Variants in SMIM14 observed in about 807,000 individuals in gnomAD.
SMIM14 encodes chromosome 4 open reading frame 34.
Under a neutral mutation model 12.6 loss-of-function variants are expected in SMIM14, and 5 were observed. That is an observed-to-expected ratio of 0.40 (90% confidence interval 0.21 to 0.83). SMIM14 has a LOEUF of 0.83. Among genes scored for constraint, SMIM14 ranks in the 40% least tolerant of loss-of-function variants. SMIM14 has a pLI of 0.37. For synonymous variants in SMIM14, 30 were observed against 40.1 expected (o/e 0.75, Z 0.95); for missense variants, 86 against 119.1 (o/e 0.72, Z 1.29).
intron 1 of SMIM14, among the ~76,000 whole-genome samples, chr4:39,607,246 A>T (rs543338610): frequency 6.6e-6 from 1 of 152,366 alleles, no homozygotes; most frequent in South Asian, 2.1e-4. Flanking sequence ...ATCAAATTGT[A>T]TATTTAAATG....
At chr4:39,575,239 TATC>T (rs1713111078) in intron 2 of SMIM14, among the ~76,000 whole-genome samples, 1 of 152,016 alleles carries the variant, frequency 6.6e-6, no homozygotes, top group Non-Finnish European at 1.5e-5. Context: ...GATGGGATTT[TATC>T]ATATTGCCTA....
chr4:39,624,715 T>A (rs1715623060), intron 1 of SMIM14, among the ~76,000 whole-genome samples: 1 of 149,806 alleles, frequency 6.7e-6, no homozygotes, highest in Non-Finnish European at 1.5e-5. Flanking sequence ...TCCCAGCTAC[T>A]TGGGAGGCTG....
chr4:39,611,401 G>A (rs553417105), intron 1 of SMIM14, among the ~76,000 whole-genome samples: 2 of 152,184 alleles, frequency 1.3e-5, no homozygotes, highest in East Asian at 3.9e-4. Flanking sequence ...AGCTACTCAG[G>A]AGGCTGAGGC....
At chr4:39,563,803 T>C (rs1029424842) in intron 3 of SMIM14, among the ~76,000 whole-genome samples, 3 of 152,222 alleles carry the variant, frequency 2.0e-5, no homozygotes, top group African/African-American at 7.2e-5. Flanking sequence ...GACCATCTCA[T>C]AGCTGTTTGA....
intron 1 of SMIM14, among the ~76,000 whole-genome samples, chr4:39,625,535 G>A (rs568436883): frequency 6.6e-5 from 10 of 151,966 alleles, no homozygotes; most frequent in Admixed American, 5.2e-4. Context: ...TCCACCTCCC[G>A]GGTTCCAGTG....
intron 3 of SMIM14, among the ~76,000 whole-genome samples, chr4:39,568,644 A>T (rs28562656): frequency 0.015 from 2,361 of 152,324 alleles, 46 homozygotes; most frequent in African/African-American, 0.054. Context: ...ATTTAATTTT[A>T]AAAAATAACT....
At position 39,588,614 on chromosome 4, in the gene SMIM14, T is replaced by A. The variant is rs140153078; in HGVS notation, c.76-16151A>T. Among the ~76,000 whole-genome samples the A allele has an allele frequency of 3.1e-3, 469 of 152,132 alleles. 3 individuals carry two copies. The highest frequency in any genetic ancestry group is 0.011 in the African/African-American group (442 of 41,548). ...GATTAAAAAAGCTTTCATAGCAACATGAAAAATGCAAAATATTATTAAATT... is the reference window on the plus strand; with the variant it reads ...GATTAAAAAAGCTTTCATAGCAACAAGAAAAATGCAAAATATTATTAAATT... On this transcript the variant is annotated intron_variant, in intron 2 of 4. Transcript: ENST00000295958.
chr4:39,617,147 A>G (rs1445199988), intron 1 of SMIM14, among the ~76,000 whole-genome samples: 1 of 152,188 alleles, frequency 6.6e-6, no homozygotes, highest in Non-Finnish European at 1.5e-5. Context: ...ATACATGTGT[A>G]AACAACAGAT....
At chr4:39,609,050 C>T (rs1399269426) in intron 1 of SMIM14, among the ~76,000 whole-genome samples, 23 of 152,156 alleles carry the variant, frequency 1.5e-4, no homozygotes, top group Admixed American at 1.5e-3. Flanking sequence ...GATCTCGGCT[C>T]ACTGAAACCT....
At chr4:39,595,896 TGAGCCA>T (rs1197362610) in intron 2 of SMIM14, among the ~76,000 whole-genome samples, 1 of 151,962 alleles carries the variant, frequency 6.6e-6, no homozygotes, top group African/African-American at 2.4e-5. Context: ...TTTACAGGGG[TGAGCCA>T]CCATGCCAGG....
At chr4:39,580,406 C>T (rs964511899) in intron 2 of SMIM14, among the ~76,000 whole-genome samples, 5 of 152,146 alleles carry the variant, frequency 3.3e-5, no homozygotes, top group Admixed American at 2.6e-4. Context: ...TCTCCAACTT[C>T]TAGGCTCAAG....
At chr4:39,592,734 C>A (rs1351730106) in intron 2 of SMIM14, 1 of 152,000 alleles carries the variant, frequency 6.6e-6, no homozygotes, top group East Asian at 1.9e-4. Context: ...ACCACCAATC[C>A]CACAGAAATA....
chr4:39,616,629 A>C (rs572594086), intron 1 of SMIM14, among the ~76,000 whole-genome samples: 5 of 139,862 alleles, frequency 3.6e-5, no homozygotes, highest in Admixed American at 1.6e-4. Flanking sequence ...CTTCCAATCC[A>C]TTCCTTACAT....
chr4:39,619,876 A>ATATATATTT (rs71192884), intron 1 of SMIM14, among the ~76,000 whole-genome samples: 2 of 115,866 alleles, frequency 1.7e-5, no homozygotes, highest in Non-Finnish European at 3.3e-5. Context: ...ATATATATAT[A>ATATATATTT]TTTTTTTTTT....
Position 39,572,977 on chromosome 4 carries a change from C to T in SMIM14, c.76-514G>A, listed in dbSNP as rs143197007. Among the ~76,000 whole-genome samples the T allele has an allele frequency of 8.9e-4, 135 of 152,146 alleles. 1 individual carries two copies. Among genetic ancestry groups the T allele is most frequent in the African/African-American group, 3.1e-3 (130 of 41,524 alleles). On this transcript the variant is annotated intron_variant, in intron 2 of 4. Transcript: ENST00000295958. ...TCAGCCTCCTGAGTAGCTGGTACTA[C>T]AGGTGTGTGCCACCATGCCTGGGTA...
At chr4:39,593,582 G>A (rs2110042418) in intron 2 of SMIM14, 1 of 152,192 alleles carries the variant, frequency 6.6e-6, no homozygotes, top group East Asian at 1.9e-4. Flanking sequence ...GGAAATAAAG[G>A]GTATTCAATT....
chr4:39,632,548 C>G (rs994042835), intron 1 of SMIM14, among the ~76,000 whole-genome samples: 5 of 150,782 alleles, frequency 3.3e-5, no homozygotes, highest in Non-Finnish European at 7.4e-5. Flanking sequence ...AATCCCAGCA[C>G]TTTGGGAGGC....
intron 2 of SMIM14, among the ~76,000 whole-genome samples, chr4:39,575,078 A>G (rs371968554): frequency 8.3e-5 from 11 of 132,550 alleles, no homozygotes; most frequent in Non-Finnish European, 1.4e-4. Context: ...ACGAGAAAAT[A>G]GTTTTTTTTT....
chr4:39,589,015 A>C (rs1486908979), intron 2 of SMIM14, among the ~76,000 whole-genome samples: 1 of 152,212 alleles, frequency 6.6e-6, no homozygotes, highest in Non-Finnish European at 1.5e-5. Context: ...CAGGGCATTC[A>C]GGCTGATAAA....
Sources: gnomAD v4.1 joint callset for allele counts (sites outside exome capture counted in the v4.1 genomes callset) on GRCh38, gnomAD v4.1.1 for gene constraint, MANE v1.5 for transcripts, NCBI Gene and HGNC (gene_info 2026-07-23, HGNC 2026-07-21) for gene names.